OTULIN: variants seen among roughly 807,000 people sequenced by gnomAD.
OTULIN encodes OTU deubiquitinase with linear linkage specificity.
In OTULIN, 15 loss-of-function variants were observed where a neutral mutation model predicts 39.6. That is an observed-to-expected ratio of 0.38 (90% CI 0.25 to 0.58). The LOEUF is 0.58. Ranked by LOEUF, OTULIN falls within the 20% of genes least tolerant of loss-of-function variation. The probability of loss-of-function intolerance (pLI) is 0.66; values close to 1 mark genes in which losing one functional copy is unlikely to be tolerated. For missense variants in OTULIN, 319 were observed against 445.9 expected, an observed-to-expected ratio of 0.72 and a Z score of 2.56; for synonymous variants, 156 against 170.3, an observed-to-expected ratio of 0.92 and a Z score of 0.65.
intron 6 of OTULIN, among the ~76,000 whole-genome samples, chr5:14,692,534 C>A (rs192662859): frequency 6.6e-6 from 1 of 152,152 alleles, no homozygotes; most frequent in Non-Finnish European, 1.5e-5. Flanking sequence ...ACTTGTATAT[C>A]TTCTTTGGAG....
chr5:14,670,346 A>G (rs1735949627), intron 1 of OTULIN, among the ~76,000 whole-genome samples: 1 of 152,210 alleles, frequency 6.6e-6, no homozygotes, highest in Non-Finnish European at 1.5e-5. Flanking sequence ...CTTTAGTATC[A>G]TTTCATTGTG....
At chr5:14,675,452 C>T (rs139425003) in intron 2 of OTULIN, among the ~76,000 whole-genome samples, 79 of 152,326 alleles carry the variant, frequency 5.2e-4, no homozygotes, top group African/African-American at 1.9e-3. Context: ...GTGGCGGGGC[C>T]GCACCGTTCC....
chr5:14,664,939 C>T lies in OTULIN; in HGVS notation c.114C>T (p.Ser38=). 5 of 1,130,010 alleles carry T rather than the reference C, an allele frequency of 4.4e-6. No individual in the cohort carries two copies. The highest frequency in any genetic ancestry group is 1.6e-5 in the African/African-American group (1 of 61,102). 70.0% of individuals were successfully genotyped at this position (1,130,010 alleles called of 1,614,324 possible). The change falls in exon 1 of 7, where the codon AGC becomes AGT. Residue 38 remains serine, a synonymous_variant. Coordinates refer to ENST00000284274, the MANE Select transcript of OTULIN (RefSeq NM_138348.6). ...GGGACGGCGGGAAGGCGGCGGCCAGCGGGCAGCCGCGGCCCGAGATGCAGT... is the reference window on the plus strand; with the variant it reads ...GGGACGGCGGGAAGGCGGCGGCCAGTGGGCAGCCGCGGCCCGAGATGCAGT... ...TARDGGKAAA[S]GQPRPEMQCP...
chr5:14,714,075 C>G, the OTULIN span, among the ~76,000 whole-genome samples: 11 of 152,262 alleles, frequency 7.2e-5, no homozygotes, highest in African/African-American at 1.9e-4. Flanking sequence ...AAGCTGGCAT[C>G]AGAAGCCATC....
chr5:14,668,668 A>G (rs574964879), intron 1 of OTULIN, among the ~76,000 whole-genome samples: 1 of 152,212 alleles, frequency 6.6e-6, no homozygotes, highest in Non-Finnish European at 1.5e-5. Flanking sequence ...AAAAAGCCAT[A>G]CTTAGTTCTT....
the OTULIN span, among the ~76,000 whole-genome samples, chr5:14,712,322 G>C: frequency 2.0e-5 from 3 of 152,208 alleles, no homozygotes; most frequent in African/African-American, 4.8e-5. Flanking sequence ...ATGTGTCCTC[G>C]TTCTTCCACC....
At position 14,687,666 on chromosome 5, in the gene OTULIN, C is replaced by T. The variant is rs762484197; in HGVS notation, c.594+20C>T. ...AAGAAGGTTTGGAACCTGTAGTGTC[C>T]TGTCTGATAAGGGTGAAGCTCTCGT... On this transcript the variant is annotated intron_variant, in intron 5 of 6. Coordinates refer to ENST00000284274, the MANE Select transcript of OTULIN (RefSeq NM_138348.6). 3 of 1,598,178 alleles carry T rather than the reference C, an allele frequency of 1.9e-6. No individual in the cohort carries two copies. Among genetic ancestry groups the T allele is most frequent in the Non-Finnish European group, 2.6e-6 (3 of 1,174,686 alleles).
the OTULIN span, among the ~76,000 whole-genome samples, chr5:14,711,880 G>GTCAC: frequency 0.035 from 5,400 of 152,258 alleles, 156 homozygotes; most frequent in Admixed American, 0.082. Context: ...CCACTGCTGG[G>GTCAC]TCACTGCAGA....
rs1560988592 is a variant in OTULIN at position 14,664,863 on chromosome 5, C to T, written c.38C>T (p.Pro13Leu). The stretch of plus-strand genomic sequence containing the variant: ...ACTATGCCCCAGCCCGAAGCGTGGC[C>T]AGGCGCGAGCTGCGCCGAGACGCCG... ...RGTMPQPEAW[P>L]GASCAETPAR... Residue 13 changes from proline to leucine, a missense_variant, in exon 1 of 7, where the codon CCA becomes CTA. Pro to Leu is a moderately conservative substitution (Grantham distance 98, BLOSUM62 -3). Transcript: ENST00000284274. The T allele has an allele frequency of 8.3e-7, 1 of 1,206,624 alleles. No homozygotes were observed. Among genetic ancestry groups the T allele is most frequent in the Non-Finnish European group, 1.0e-6 (1 of 971,398 alleles). 74.7% of individuals were successfully genotyped at this position (1,206,624 alleles called of 1,614,324 possible).
In OTULIN at chr5:14,697,733, CTCAA is replaced by C. The variant is rs2126355260; in HGVS notation, c.*4687_*4690del. The C allele has an allele frequency of 6.6e-6, 1 of 152,142 alleles. No homozygotes were observed. Among genetic ancestry groups the C allele is most frequent in the African/African-American group, 2.4e-5 (1 of 41,442 alleles). The allele number at this position is 152,142 out of a possible 1,614,324, so 9.4% of individuals were successfully genotyped here. A position where few individuals can be genotyped will look rare whatever the true frequency, so the allele number is the denominator to read the frequency against. On this transcript the variant is annotated 3_prime_UTR_variant, in exon 7 of 7. Coordinates refer to ENST00000284274, the MANE Select transcript of OTULIN (RefSeq NM_138348.6). ...TTAATGGAGGAGGACACTGTGTTTT[CTCAA>C]TTAATCTCATTGATTTGTTTGGTAT...
intron 5 of OTULIN, 24 bp downstream of exon 5, chr5:14,687,670 C>T: frequency 6.3e-7 from 1 of 1,585,892 alleles, no homozygotes; most frequent in Admixed American, 1.9e-5. Context: ...AGTGTCCTGT[C>T]TGATAAGGGT....
In OTULIN at chr5:14,696,062, A is replaced by G. The variant is rs1736660426; in HGVS notation, c.*3014A>G. 1 of 151,430 alleles carries G rather than the reference A, an allele frequency of 6.6e-6. No individual in the cohort carries two copies. The highest frequency in any genetic ancestry group is 2.4e-5 in the African/African-American group (1 of 41,150). The allele number at this position is 151,430 out of a possible 1,614,324, so 9.4% of individuals were successfully genotyped here. A position where few individuals can be genotyped will look rare whatever the true frequency, so the allele number is the denominator to read the frequency against. On this transcript the variant is annotated 3_prime_UTR_variant, in exon 7 of 7. Transcript: ENST00000284274. Reference sequence around the variant, plus strand: ...AAATCTCAAGCCACATGAATTGTTAACACCTCTGTTGGGAAAAGCCTTTGT... The same window carrying G: ...AAATCTCAAGCCACATGAATTGTTAGCACCTCTGTTGGGAAAAGCCTTTGT...
chr5:14,710,839 G>A, the OTULIN span: 7 of 339,572 alleles, frequency 2.1e-5, no homozygotes, highest in East Asian at 2.3e-4. Flanking sequence ...CAGGGTGACC[G>A]AGGCGCGATG....
chr5:14,698,971 C>G lies in OTULIN; in HGVS notation c.*5923C>G, dbSNP rs931199968. The G allele has an allele frequency of 6.6e-6, 1 of 152,162 alleles. No individual in the cohort carries two copies. The highest frequency in any genetic ancestry group is 6.5e-5 in the Admixed American group (1 of 15,278). The allele number at this position is 152,162 out of a possible 1,614,324, so 9.4% of individuals were successfully genotyped here. ...TTCCTGAACCTCCCTAAATCTGTTT[C>G]TTCATCTTTACCACACACAGTCTGT... On this transcript the variant is annotated 3_prime_UTR_variant, in exon 7 of 7. Coordinates refer to ENST00000284274, the MANE Select transcript of OTULIN (RefSeq NM_138348.6).
intron 4 of OTULIN, among the ~76,000 whole-genome samples, chr5:14,685,932 GC>G (rs968894609): frequency 2.0e-5 from 3 of 152,200 alleles, no homozygotes; most frequent in African/African-American, 7.2e-5. Context: ...CTGCAGAACT[GC>G]CACATGTTGC....
intron 1 of OTULIN, among the ~76,000 whole-genome samples, chr5:14,671,957 G>A (rs185251472): frequency 8.2e-4 from 125 of 152,212 alleles, no homozygotes; most frequent in African/African-American, 2.7e-3. Flanking sequence ...TCTAGATGCC[G>A]AGAGGTGTAG....
chr5:14,665,746 G>A (rs1275336971), intron 1 of OTULIN, among the ~76,000 whole-genome samples: 1 of 152,098 alleles, frequency 6.6e-6, no homozygotes, highest in Non-Finnish European at 1.5e-5. Flanking sequence ...AATTTAAGAT[G>A]TGTTTAAATG....
chr5:14,670,699 G>A (rs1253762555), intron 1 of OTULIN, among the ~76,000 whole-genome samples: 1 of 152,122 alleles, frequency 6.6e-6, no homozygotes, highest in Non-Finnish European at 1.5e-5. Context: ...CCAACTCCTA[G>A]GCTTAAGTGA....
At position 14,697,711 on chromosome 5, in the gene OTULIN, A is replaced by G. The variant is rs1220138209; in HGVS notation, c.*4663A>G. ...TTTTTAATAGCATTCATTAGCATTAATGGAGGAGGACACTGTGTTTTCTCA... is the reference window on the plus strand; with the variant it reads ...TTTTTAATAGCATTCATTAGCATTAGTGGAGGAGGACACTGTGTTTTCTCA... On this transcript the variant is annotated 3_prime_UTR_variant, in exon 7 of 7. Transcript: ENST00000284274. The G allele has an allele frequency of 7.2e-5, 11 of 152,168 alleles. No homozygotes were observed. The highest frequency in any genetic ancestry group is 6.5e-4 in the Admixed American group (10 of 15,288). The allele number at this position is 152,168 out of a possible 1,614,324, so 9.4% of individuals were successfully genotyped here. A position where few individuals can be genotyped will look rare whatever the true frequency, so the allele number is the denominator to read the frequency against.
Sources: gnomAD v4.1 joint callset for allele counts (sites outside exome capture counted in the v4.1 genomes callset) on GRCh38, gnomAD v4.1.1 for gene constraint, MANE v1.5 for transcripts, NCBI Gene and HGNC (gene_info 2026-07-23, HGNC 2026-07-21) for gene names.